The following TSPEAR variants were observed in gnomAD, a reference collection of about 807,000 sequenced individuals.
TSPEAR encodes the protein thrombospondin-type laminin G domain and EAR repeat-containing protein.
Under a neutral mutation model 71.6 loss-of-function variants are expected in TSPEAR, and 69 were observed. The ratio of observed to expected loss-of-function variants is 0.96; its 90% CI spans 0.79 to 1.18. TSPEAR has a LOEUF of 1.18. Ranked by LOEUF, TSPEAR falls within the 50% of genes most tolerant of loss-of-function variation. The probability of loss-of-function intolerance (pLI) is 0.00; values close to 1 mark genes in which losing one functional copy is unlikely to be tolerated. For missense variants in TSPEAR, 971 were observed against 894.9 expected (o/e 1.09, Z -1.09); for synonymous variants, 402 against 387.2 (o/e 1.04, Z -0.45).
intron 2 of TSPEAR, among the ~76,000 whole-genome samples, chr21:44,535,124 C>T (rs587678336): frequency 3.3e-5 from 5 of 152,012 alleles, no homozygotes; most frequent in East Asian, 1.9e-4. Context: ...TGTTGGGAGA[C>T]GAAGAAGTTC....
chr21:44,689,890 C>A (rs1987054477), intron 1 of TSPEAR, among the ~76,000 whole-genome samples: 1 of 151,268 alleles, frequency 6.6e-6, no homozygotes, highest in African/African-American at 2.4e-5. Flanking sequence ...TCCAGCACAG[C>A]AGAAAGATGT....
chr21:44,499,945 CAG>C lies in TSPEAR; in HGVS notation c.1857-11_1857-10del, dbSNP rs781986001. On this transcript the variant is annotated splice_polypyrimidine_tract_variant and intron_variant, in intron 11 of 11. Coordinates refer to ENST00000323084, the MANE Select transcript of TSPEAR (RefSeq NM_144991.3). ...CCTCGTAGCCCTGCCACCTGCGGAA[CAG>C]ACAGCGGCAGCCGGGTCAGCCTGGG... 1.3e-6 allele frequency: 2 copies of C among 1,598,142 alleles called. No homozygotes were observed. The highest frequency in any genetic ancestry group is 1.7e-6 in the Non-Finnish European group (2 of 1,175,094).
intron 9 of TSPEAR, chr21:44,519,445 C>T (rs2052687399): frequency 1.3e-5 from 2 of 152,392 alleles, no homozygotes; most frequent in South Asian, 4.1e-4. Flanking sequence ...GCATCTCAAC[C>T]TCACCAGCCT....
At chr21:44,543,983 C>T (rs1293784208) in intron 2 of TSPEAR, among the ~76,000 whole-genome samples, 1 of 152,208 alleles carries the variant, frequency 6.6e-6, no homozygotes, top group African/African-American at 2.4e-5. Flanking sequence ...GAGTAGATTC[C>T]TTGCATAAGC....
At chr21:44,545,944 T>A (rs782550551) in intron 2 of TSPEAR, among the ~76,000 whole-genome samples, 1 of 152,048 alleles carries the variant, frequency 6.6e-6, no homozygotes, top group Non-Finnish European at 1.5e-5. Flanking sequence ...AGAAAACCAG[T>A]AGAATCAATG....
intron 1 of TSPEAR, among the ~76,000 whole-genome samples, chr21:44,589,097 C>G (rs1454837971): frequency 2.0e-5 from 3 of 152,098 alleles, no homozygotes; most frequent in Non-Finnish European, 4.4e-5. Context: ...CAAATCAACA[C>G]TAAATTACTA....
intron 1 of TSPEAR, among the ~76,000 whole-genome samples, chr21:44,615,000 CA>C (rs1445918799): frequency 2.6e-5 from 4 of 152,332 alleles, no homozygotes; most frequent in African/African-American, 7.2e-5. Flanking sequence ...AAAAGCTGGA[CA>C]CACCCATCGC....
chr21:44,579,257 A>G (rs1978696156), intron 1 of TSPEAR, among the ~76,000 whole-genome samples: 1 of 151,976 alleles, frequency 6.6e-6, no homozygotes. Flanking sequence ...GCTCAGGAAG[A>G]CCCAGGCATG....
rs185483171 is a variant in TSPEAR at position 44,676,396 on chromosome 21, G to C, written c.82+35037C>G. On this transcript the variant is annotated intron_variant, in intron 1 of 11. Coordinates refer to ENST00000323084, the MANE Select transcript of TSPEAR (RefSeq NM_144991.3). ...GACAGCAGGCATTTCTGCAGATGAGGTCTTCATGCTGTACTTTAATGCCTC... is the reference window on the plus strand; with the variant it reads ...GACAGCAGGCATTTCTGCAGATGAGCTCTTCATGCTGTACTTTAATGCCTC... 4.0e-4 allele frequency: 450 copies of C among 1,127,598 alleles called. 3 individuals are homozygous for C. The African/African-American group carries it at 5.8e-3, about 15-fold the overall frequency. 69.8% of individuals were successfully genotyped at this position (1,127,598 alleles called of 1,614,324 possible). A position where few individuals can be genotyped will look rare whatever the true frequency, so the allele number is the denominator to read the frequency against.
At chr21:44,658,290 G>A (rs782586582) in intron 1 of TSPEAR, 126 of 1,610,360 alleles carry the variant, frequency 7.8e-5, no homozygotes, top group East Asian at 2.2e-4. Context: ...CCTGGTACAC[G>A]GGGGTACACA....
In TSPEAR at chr21:44,593,339, C is replaced by G. The variant is rs1980129059; in HGVS notation, c.83-25334G>C. On this transcript the variant is annotated intron_variant, in intron 1 of 11. Coordinates refer to ENST00000323084, the MANE Select transcript of TSPEAR (RefSeq NM_144991.3). The surrounding 1 kb of genome is among the most constrained non-coding windows in gnomAD (Gnocchi z 5.9). ...CCTCCTGCTGGGCCCATTTCCCAGCCCTGTCTTCCAAGCCCTGTGCCAGGC... is the reference window on the plus strand; with the variant it reads ...CCTCCTGCTGGGCCCATTTCCCAGCGCTGTCTTCCAAGCCCTGTGCCAGGC... Among the ~76,000 whole-genome samples, 2 of 152,206 alleles carry G rather than the reference C, an allele frequency of 1.3e-5. No individual in the cohort carries two copies. The highest frequency in any genetic ancestry group is 4.8e-5 in the African/African-American group (2 of 41,446).
At chr21:44,563,666 T>C (rs2053668244) in intron 2 of TSPEAR, among the ~76,000 whole-genome samples, 1 of 152,174 alleles carries the variant, frequency 6.6e-6, no homozygotes. Context: ...TAAATTCAAG[T>C]ACAGTTGATT....
intron 1 of TSPEAR, among the ~76,000 whole-genome samples, chr21:44,656,366 G>C (rs1985147557): frequency 6.6e-6 from 1 of 152,162 alleles, no homozygotes; most frequent in Non-Finnish European, 1.5e-5. Flanking sequence ...CATCTGCAGG[G>C]GAGGATTTCT....
chr21:44,654,093 A>C (rs1055564847), intron 1 of TSPEAR: 8 of 609,756 alleles, frequency 1.3e-5, no homozygotes, highest in Non-Finnish European at 2.1e-5. Flanking sequence ...CCCAGGAGAA[A>C]CTGTGTAGAA....
intron 1 of TSPEAR, chr21:44,580,231 G>A: frequency 1.9e-6 from 3 of 1,613,960 alleles, no homozygotes. Context: ...AAGTTGGCTG[G>A]CAGCTAGACT....
At chr21:44,700,253 G>A (rs553235043) in intron 1 of TSPEAR, among the ~76,000 whole-genome samples, 14 of 152,350 alleles carry the variant, frequency 9.2e-5, no homozygotes, top group Admixed American at 3.3e-4. Flanking sequence ...CCACCAGGAA[G>A]GCTGGAGAGC....
chr21:44,651,267 C>T (rs587714684), intron 1 of TSPEAR, among the ~76,000 whole-genome samples: 5 of 152,134 alleles, frequency 3.3e-5, no homozygotes, highest in African/African-American at 1.2e-4. Flanking sequence ...TCCTTGCCTC[C>T]CCCACACAGC....
In TSPEAR at chr21:44,711,460, C is replaced by G. The variant is rs782382942; in HGVS notation, c.55G>C (p.Gly19Arg). The stretch of plus-strand genomic sequence containing the variant: ...GTGCAGGGCTCCCAACCCTGCGTGC[C>G]GTGGCCGGGGGCCGCCAGGGGCAGC... ...FVLPLAAPGH[G>R]TQGWEPCTDL... The change falls in exon 1 of 12, where the codon GGC becomes CGC. Residue 19 changes from glycine to arginine, a missense_variant. Transcript: ENST00000323084. The surrounding 1 kb of genome is among the most constrained non-coding windows in gnomAD (Gnocchi z 4.5). 3 of 1,610,604 alleles carry G rather than the reference C, an allele frequency of 1.9e-6. No individual in the cohort carries two copies. Among genetic ancestry groups the G allele is most frequent in the Admixed American group, 1.7e-5 (1 of 59,726 alleles).
rs373960340 is a variant in TSPEAR at position 44,601,656 on chromosome 21, T to C, written c.83-33651A>G. 3.4e-5 allele frequency: 55 copies of C among 1,612,348 alleles called. No individual in the cohort carries two copies. The African/African-American group carries it at 5.7e-4, about 17-fold the overall frequency. On this transcript the variant is annotated intron_variant, in intron 1 of 11. Coordinates refer to ENST00000323084, the MANE Select transcript of TSPEAR (RefSeq NM_144991.3). Reference sequence around the variant, plus strand: ...CCAGCTGCTGCCGCCCAGCCTCCTGTGTGTCTCTCCTTTGCCGCCCCGCAT... The same window carrying C: ...CCAGCTGCTGCCGCCCAGCCTCCTGCGTGTCTCTCCTTTGCCGCCCCGCAT...
Sources: gnomAD v4.1 joint callset for allele counts (sites outside exome capture counted in the v4.1 genomes callset) on GRCh38, gnomAD v4.1.1 for gene constraint, Gnocchi (gnomAD v3.1) non-coding constraint, MANE v1.5 for transcripts, NCBI Gene and HGNC (gene_info 2026-07-23, HGNC 2026-07-21) for gene names.